Variants in CRYBG1 observed in about 807,000 individuals in gnomAD.
CRYBG1 encodes crystallin beta-gamma domain containing 1, also known as beta/gamma crystallin domain-containing protein 1.
In CRYBG1, 139 loss-of-function variants were observed where a neutral mutation model predicts 189.2. The observed-to-expected ratio is 0.73, with a 90% CI of 0.64 to 0.85. The LOEUF (loss-of-function observed/expected upper bound fraction) is 0.85. Ranked by LOEUF, CRYBG1 falls within the 40% of genes least tolerant of loss-of-function variation. The pLI, the probability that CRYBG1 is intolerant of heterozygous loss-of-function variation, is 0.00. For synonymous variants in CRYBG1, 1,023 were observed against 1,017.1 expected, an observed-to-expected ratio of 1.01 and a Z score of -0.11; for missense variants, 2,611 against 2,675.8, an observed-to-expected ratio of 0.98 and a Z score of 0.53.
chr6:106,463,306 G>A (rs1466936450), intron 2 of CRYBG1, among the ~76,000 whole-genome samples: 1 of 150,704 alleles, frequency 6.6e-6, no homozygotes, highest in Non-Finnish European at 1.5e-5. Context: ...CCACCAGCCT[G>A]AACTCACCTT....
Position 106,494,157 on chromosome 6 carries a change from C to T in CRYBG1, c.313-17273C>T, listed in dbSNP as rs142216114. Among the ~76,000 whole-genome samples, 705 of 151,652 alleles carry T rather than the reference C, an allele frequency of 4.6e-3. 3 individuals carry two copies. The highest frequency in any genetic ancestry group is 8.9e-3 in the South Asian group (43 of 4,814). On this transcript the variant is annotated intron_variant, in intron 2 of 21. Coordinates refer to ENST00000633556, the MANE Select transcript of CRYBG1 (RefSeq NM_001371242.2). ...AAACAAATGTATGATTCCATTTAGACGAGATACCTAAAGTAGTCAAACTCA... is the reference window on the plus strand; with the variant it reads ...AAACAAATGTATGATTCCATTTAGATGAGATACCTAAAGTAGTCAAACTCA...
At chr6:106,432,871 A>C (rs1420548391) in intron 1 of CRYBG1, among the ~76,000 whole-genome samples, 1 of 124,764 alleles carries the variant, frequency 8.0e-6, no homozygotes, top group Non-Finnish European at 1.6e-5. Flanking sequence ...ACAGAGTCTC[A>C]CTCTGTTGCC....
At position 106,520,840 on chromosome 6, in the gene CRYBG1, G is replaced by A; in HGVS notation, c.3632G>A (p.Ser1211Asn). 1 of 1,614,160 alleles carries A rather than the reference G, an allele frequency of 6.2e-7. No individual in the cohort carries two copies. The highest frequency in any genetic ancestry group is 8.5e-7 in the Non-Finnish European group (1 of 1,180,024). Reference sequence around the variant, plus strand: ...CTGCACACCAACACTAATGGGAACAGTGAGCCTCTGGTGATGCCGGAAATC... The same window carrying A: ...CTGCACACCAACACTAATGGGAACAATGAGCCTCTGGTGATGCCGGAAATC... Reference protein sequence around the residue: ...KSLHTNTNGNSEPLVMPEIND... With the variant: ...KSLHTNTNGNNEPLVMPEIND... Residue 1211 changes from serine (S) to asparagine (N), a missense_variant, in exon 4 of 22, where the codon AGT becomes AAT. Around this residue, in one of 3 missense-constraint regions of CRYBG1, gnomAD observed 1,622 missense variants for 1,735.0 expected, o/e 0.93. Coordinates refer to ENST00000633556, the MANE Select transcript of CRYBG1 (RefSeq NM_001371242.2).
intron 3 of CRYBG1, 150 bp from the exon 4 acceptor site, chr6:106,518,981 A>C: frequency 1.8e-6 from 1 of 563,658 alleles, no homozygotes; most frequent in Non-Finnish European, 2.8e-6. Context: ...GTGCGCACAC[A>C]CACACACACA....
intron 8 of CRYBG1, among the ~76,000 whole-genome samples, chr6:106,538,329 T>C (rs1262365272): frequency 6.6e-6 from 1 of 151,966 alleles, no homozygotes; most frequent in African/African-American, 2.4e-5. Flanking sequence ...TCTGGCACAT[T>C]AGAGGAGGGT....
intron 1 of CRYBG1, among the ~76,000 whole-genome samples, chr6:106,431,200 A>G (rs552675597): frequency 2.6e-5 from 4 of 152,276 alleles, no homozygotes; most frequent in African/African-American, 9.6e-5. Context: ...ACAGCCTCCT[A>G]AAAATGAATT....
chr6:106,462,525 G>T (rs1391371946), intron 2 of CRYBG1, among the ~76,000 whole-genome samples: 2 of 152,176 alleles, frequency 1.3e-5, no homozygotes, highest in Non-Finnish European at 2.9e-5. Flanking sequence ...AGTAAAAGTA[G>T]TTCCTGCTGG....
At chr6:106,514,311 G>A (rs13218830) in intron 3 of CRYBG1, among the ~76,000 whole-genome samples, 32,639 of 152,138 alleles carry the variant, frequency 0.21, 3,928 homozygotes, top group South Asian at 0.34. Context: ...ATTTGTTCAA[G>A]GAGTGGGTAT....
intron 1 of CRYBG1, among the ~76,000 whole-genome samples, chr6:106,450,714 G>A (rs543596939): frequency 6.6e-6 from 1 of 152,282 alleles, no homozygotes; most frequent in Admixed American, 6.5e-5. Context: ...TCCTGCACAT[G>A]GTCCCAAGAT....
Position 106,361,031 on chromosome 6 carries a change from CTG to C in CRYBG1, c.126_127del (p.Cys42TrpfsTer48), listed in dbSNP as rs1389124106. ...KKKQQPAPPD[C>X]GVFVPHPLPA... is the part of the protein sequence containing the mutation. ...AGAAGCAGCAGCCGGCGCCGCCTGACTGTGGGGTGTTCGTTCCGCACCCGCTC... is the reference window on the plus strand; with the variant it reads ...AGAAGCAGCAGCCGGCGCCGCCTGACTGGGGTGTTCGTTCCGCACCCGCTC... On this transcript the variant is annotated frameshift_variant, in exon 1 of 22. Coordinates refer to ENST00000633556, the MANE Select transcript of CRYBG1 (RefSeq NM_001371242.2). LOFTEE classifies it high-confidence loss of function. The C allele has an allele frequency of 2.0e-6, 3 of 1,535,342 alleles. No individual in the cohort carries two copies. The highest frequency in any genetic ancestry group is 2.4e-5 in the South Asian group (2 of 84,048).
In CRYBG1 at chr6:106,521,335, T is replaced by A. The variant is rs575356547; in HGVS notation, c.4127T>A (p.Val1376Asp). 1.2e-6 allele frequency: 2 copies of A among 1,614,164 alleles called. No individual in the cohort carries two copies. Among genetic ancestry groups the A allele is most frequent in the African/African-American group, 2.7e-5 (2 of 75,052 alleles). The change falls in exon 4 of 22, where the codon GTT (valine) becomes GAT (aspartate). Residue 1376 changes from valine (V) to aspartate (D), a missense_variant. Val to Asp is a radical substitution (Grantham distance 152). Coordinates refer to ENST00000633556, the MANE Select transcript of CRYBG1 (RefSeq NM_001371242.2). ...GAAAAGGCTAATCATATTGAAAGTGTTATTAAATCAAACTTGCCAAACTGT... is the reference window on the plus strand; with the variant it reads ...GAAAAGGCTAATCATATTGAAAGTGATATTAAATCAAACTTGCCAAACTGT... The part of the protein sequence containing the change: ...DMEKANHIES[V>D]IKSNLPNCAN...
intron 3 of CRYBG1, among the ~76,000 whole-genome samples, chr6:106,518,417 T>C (rs1039627131): frequency 2.6e-5 from 4 of 152,222 alleles, no homozygotes; most frequent in Non-Finnish European, 5.9e-5. Context: ...TAAAAATACA[T>C]AATTGATGTT....
Position 106,552,205 on chromosome 6 carries a change from A to G in CRYBG1, c.5461A>G (p.Arg1821Gly). ...TTAGGATTCTTTCACTGGCCCAAGG[A>G]GACGAAATCAGGTAACTTTAAAAAT... ...ICLDSFTGPRRRNQIHLFSEP... is the reference protein window; with the variant it reads ...ICLDSFTGPRGRNQIHLFSEP... The change falls in exon 15 of 22, where the codon AGA becomes GGA. Residue 1821 changes from arginine to glycine, a missense_variant. Around this residue, in one of 3 missense-constraint regions of CRYBG1, gnomAD observed 1,622 missense variants for 1,735.0 expected, o/e 0.93. Coordinates refer to ENST00000633556, the MANE Select transcript of CRYBG1 (RefSeq NM_001371242.2). 6.4e-7 allele frequency: 1 copy of G among 1,572,666 alleles called. No homozygotes were observed. The highest frequency in any genetic ancestry group is 8.7e-7 in the Non-Finnish European group (1 of 1,153,320).
At chr6:106,375,415 AAGTAAG>A (rs1562289763) in intron 1 of CRYBG1, among the ~76,000 whole-genome samples, 112 of 123,002 alleles carry the variant, frequency 9.1e-4, no homozygotes, top group African/African-American at 4.0e-3. Context: ...GTAAGTAAGT[AAGTAAG>A]TAAATAAATA....
intron 1 of CRYBG1, among the ~76,000 whole-genome samples, chr6:106,442,427 G>T (rs1427655582): frequency 6.6e-6 from 1 of 152,084 alleles, no homozygotes; most frequent in African/African-American, 2.4e-5. Flanking sequence ...GTGGGGCAAA[G>T]GTAAACAAAA....
At chr6:106,410,710 A>G (rs190352946) in intron 1 of CRYBG1, among the ~76,000 whole-genome samples, 114 of 152,308 alleles carry the variant, frequency 7.5e-4, no homozygotes, top group Non-Finnish European at 1.3e-3. Flanking sequence ...TGTTTTTTGC[A>G]GGGACATGGA....
rs2114523464 is a variant in CRYBG1, at chr6:106,511,973, G to A, written c.856G>A (p.Glu286Lys). 1.3e-6 allele frequency: 2 copies of A among 1,529,650 alleles called. No homozygotes were observed. The highest frequency in any genetic ancestry group is 2.5e-5 in the East Asian group (1 of 40,790). 94.8% of individuals were successfully genotyped at this position (1,529,650 alleles called of 1,614,324 possible). A position where few individuals can be genotyped will look rare whatever the true frequency, so the allele number is the denominator to read the frequency against. The change falls in exon 3 of 22, where the codon GAA becomes AAA. Residue 286 changes from glutamate to lysine, a missense_variant. Coordinates refer to ENST00000633556, the MANE Select transcript of CRYBG1 (RefSeq NM_001371242.2). Reference protein sequence around the residue: ...GEDASPGAGHEQEAFLGVRGA... With the variant: ...GEDASPGAGHKQEAFLGVRGA... ...GGACGCTTCACCAGGTGCTGGCCAC[G>A]AACAGGAGGCTTTCCTGGGTGTGAG...
Position 106,519,272 on chromosome 6 carries a change from G to T in CRYBG1, c.2064G>T (p.Arg688=). ...AAATCTCCTTATTTGAAAACAAACGGACAAACAGTAGCCCAAGACACACTG... is the reference window on the plus strand; with the variant it reads ...AAATCTCCTTATTTGAAAACAAACGTACAAACAGTAGCCCAAGACACACTG... ...ATKISLFENK[R]TNSSPRHTDI... is the part of the protein sequence containing the mutation. Residue 688 remains arginine, a synonymous_variant, in exon 4 of 22, where the codon CGG becomes CGT. Coordinates refer to ENST00000633556, the MANE Select transcript of CRYBG1 (RefSeq NM_001371242.2). The T allele has an allele frequency of 1.2e-6, 2 of 1,614,020 alleles. No homozygotes were observed. The highest frequency in any genetic ancestry group is 2.2e-5 in the South Asian group (2 of 91,078).
intron 1 of CRYBG1, among the ~76,000 whole-genome samples, chr6:106,380,043 G>A (rs146564193): frequency 5.3e-4 from 80 of 152,186 alleles, no homozygotes; most frequent in African/African-American, 1.2e-3. Context: ...GAAATACACC[G>A]TCTCTAGGGC....
Sources: allele counts gnomAD v4.1 joint callset (sites outside exome capture counted in the v4.1 genomes callset), GRCh38; gene constraint gnomAD v4.1.1; regional missense constraint gnomAD v4.1.1; transcripts MANE v1.5; gene names NCBI Gene and HGNC (gene_info 2026-07-23, HGNC 2026-07-21).